NTM: variants seen among roughly 807,000 people sequenced by gnomAD.
The protein encoded by NTM is IgLON family member 2.
NTM carries 13 observed loss-of-function variants against 42.1 expected under a neutral mutation model. The observed-to-expected ratio is 0.31, with a 90% CI of 0.20 to 0.49. NTM has a LOEUF of 0.49. NTM is among the 20% of genes least tolerant of loss of function. The pLI is 0.99. For synonymous variants in NTM, 187 were observed against 179.2 expected, an observed-to-expected ratio of 1.04 and a Z score of -0.35; for missense variants, 373 against 452.8, an observed-to-expected ratio of 0.82 and a Z score of 1.60.
At chr11:132,311,018 C>G (rs2095263816) in intron 6 of NTM, among the ~76,000 whole-genome samples, 1 of 151,922 alleles carries the variant, frequency 6.6e-6, no homozygotes. Context: ...ATAGGGGATG[C>G]TAGAGAGTCC....
chr11:131,632,914 C>T (rs954476799), intron 1 of NTM, among the ~76,000 whole-genome samples: 6 of 147,184 alleles, frequency 4.1e-5, no homozygotes, highest in African/African-American at 1.6e-4. Context: ...ACCTCGTGAT[C>T]CGCCCATCTC....
At chr11:132,215,683 G>T (rs927198933) in intron 4 of NTM, among the ~76,000 whole-genome samples, 3 of 152,142 alleles carry the variant, frequency 2.0e-5, no homozygotes, top group Admixed American at 6.5e-5. Context: ...AATAATTTCC[G>T]TATATTATTA....
chr11:131,972,639 G>A (rs1221644390), intron 2 of NTM, among the ~76,000 whole-genome samples: 3 of 152,054 alleles, frequency 2.0e-5, no homozygotes, highest in Non-Finnish European at 4.4e-5. Context: ...CTGTGTTTCT[G>A]CTTTGGCCTC....
At chr11:131,901,412 C>T (rs907274775) in intron 1 of NTM, among the ~76,000 whole-genome samples, 3 of 152,188 alleles carry the variant, frequency 2.0e-5, no homozygotes, top group African/African-American at 7.2e-5. Context: ...AAATAACTTT[C>T]TGGATTATTT....
intron 1 of NTM, among the ~76,000 whole-genome samples, chr11:131,750,085 C>T (rs1268003918): frequency 6.6e-6 from 1 of 152,188 alleles, no homozygotes; most frequent in African/African-American, 2.4e-5. Context: ...AGGTGGAAAG[C>T]CATTAGGCAC....
chr11:131,442,795 T>C (rs568174324), intron 1 of NTM, among the ~76,000 whole-genome samples: 8 of 152,030 alleles, frequency 5.3e-5, no homozygotes, highest in Non-Finnish European at 7.4e-5. Context: ...TATATACGTG[T>C]ATATATTATA....
chr11:131,575,930 C>A (rs1340877085), intron 1 of NTM, among the ~76,000 whole-genome samples: 2 of 152,228 alleles, frequency 1.3e-5, no homozygotes, highest in East Asian at 3.8e-4. Context: ...AGCAGAAGTG[C>A]AATGCGTCTT....
At chr11:131,879,412 A>T (rs2049115332) in intron 1 of NTM, among the ~76,000 whole-genome samples, 1 of 152,170 alleles carries the variant, frequency 6.6e-6, no homozygotes. Context: ...TGGAAACAAC[A>T]TAAAAACATT....
chr11:131,995,178 A>G (rs2067762915), intron 2 of NTM, among the ~76,000 whole-genome samples: 1 of 152,212 alleles, frequency 6.6e-6, no homozygotes, highest in Admixed American at 6.6e-5. Flanking sequence ...AGGATGGGTT[A>G]TGATCTAAGC....
intron 1 of NTM, among the ~76,000 whole-genome samples, chr11:131,657,919 G>A (rs907831690): frequency 7.9e-5 from 12 of 152,204 alleles, no homozygotes; most frequent in African/African-American, 2.9e-4. Flanking sequence ...CAGGCAGCAA[G>A]CTGTTGAGTA....
At chr11:131,843,300 A>G (rs2136700238) in intron 1 of NTM, among the ~76,000 whole-genome samples, 1 of 152,276 alleles carries the variant, frequency 6.6e-6, no homozygotes, top group South Asian at 2.1e-4. Context: ...TTTCTTCTCT[A>G]GTACATTCAT....
At chr11:132,211,942 T>G (rs1021989076) in intron 3 of NTM, 80 bp from the exon 4 acceptor site, 1 of 1,427,594 alleles carries the variant, frequency 7.0e-7, no homozygotes, top group Non-Finnish European at 9.5e-7. Flanking sequence ...CTCTCTGGAC[T>G]GTTCTGCCAA....
chr11:131,839,819 C>G (rs1004495773), intron 1 of NTM, among the ~76,000 whole-genome samples: 1 of 152,224 alleles, frequency 6.6e-6, no homozygotes, highest in African/African-American at 2.4e-5. Context: ...TGACCCAGAT[C>G]TGTGGCCCAG....
chr11:132,312,314 GAGTT>G (rs1183999460), intron 6 of NTM: 1 of 152,258 alleles, frequency 6.6e-6, no homozygotes, highest in Non-Finnish European at 1.5e-5. Context: ...GTTTTCTCAA[GAGTT>G]AGTTAGGTGA....
At chr11:131,760,508 C>T (rs929498311) in intron 1 of NTM, among the ~76,000 whole-genome samples, 1 of 152,152 alleles carries the variant, frequency 6.6e-6, no homozygotes, top group African/African-American at 2.4e-5. Flanking sequence ...TTTTTATCTT[C>T]ACGGATTTAT....
At chr11:132,196,698 C>T (rs1298672843) in intron 3 of NTM, among the ~76,000 whole-genome samples, 1 of 152,082 alleles carries the variant, frequency 6.6e-6, no homozygotes, top group African/African-American at 2.4e-5. Context: ...GGCATGTTCC[C>T]ACTTATAAGT....
At chr11:131,765,285 A>G (rs1230134190) in intron 1 of NTM, among the ~76,000 whole-genome samples, 1 of 151,780 alleles carries the variant, frequency 6.6e-6, no homozygotes, top group Non-Finnish European at 1.5e-5. Flanking sequence ...AGTAAAACCA[A>G]CCTCCTAAAT....
chr11:131,961,786 C>T (rs1466987690), intron 2 of NTM, among the ~76,000 whole-genome samples: 13 of 152,170 alleles, frequency 8.5e-5, no homozygotes, highest in Admixed American at 8.5e-4. Flanking sequence ...GGTAATTCCC[C>T]ATGCCATGCA....
intron 3 of NTM, among the ~76,000 whole-genome samples, chr11:132,150,604 A>G (rs894657051): frequency 3.9e-5 from 6 of 152,304 alleles, no homozygotes; most frequent in Middle Eastern, 3.4e-3. Context: ...ACAAGAGAGA[A>G]TTGTTGAAAA....
Sources: gnomAD v4.1 joint callset for allele counts (sites outside exome capture counted in the v4.1 genomes callset) on GRCh38, gnomAD v4.1.1 for gene constraint, MANE v1.5 for transcripts, NCBI Gene and HGNC (gene_info 2026-07-23, HGNC 2026-07-21) for gene names.